CLIP2: variants seen among roughly 807,000 people sequenced by gnomAD.
The protein encoded by CLIP2 is CAP-Gly domain containing linker protein 2.
In CLIP2, 41 loss-of-function variants were observed where a neutral mutation model predicts 111.7. The observed-to-expected ratio is 0.37, with a 90% CI of 0.29 to 0.48. The LOEUF is 0.48. Among genes scored for constraint, CLIP2 ranks in the 20% least tolerant of loss-of-function variants. The pLI is 0.99. For missense variants in CLIP2, 1,160 were observed against 1,422.1 expected, an observed-to-expected ratio of 0.82 and a Z score of 2.96; for synonymous variants, 660 against 644.2, an observed-to-expected ratio of 1.02 and a Z score of -0.37.
intron 10 of CLIP2, among the ~76,000 whole-genome samples, chr7:74,378,993 CT>C (rs1272521419): frequency 6.6e-6 from 1 of 152,152 alleles, no homozygotes; most frequent in African/African-American, 2.4e-5. Flanking sequence ...GCCTGATTAG[CT>C]GTTCAGGGCA....
Position 74,404,357 on chromosome 7 carries a change from GCAGT to G in CLIP2, c.*511_*514del. The G allele has an allele frequency of 6.2e-6, 1 of 160,776 alleles. No individual in the cohort carries two copies. Among genetic ancestry groups the G allele is most frequent in the Non-Finnish European group, 1.4e-5 (1 of 72,840 alleles). The allele number at this position is 160,776 out of a possible 1,614,324, so 10.0% of individuals were successfully genotyped here. A position where few individuals can be genotyped will look rare whatever the true frequency, so the allele number is the denominator to read the frequency against. On this transcript the variant is annotated 3_prime_UTR_variant, in exon 17 of 17. Coordinates refer to ENST00000223398, the MANE Select transcript of CLIP2 (RefSeq NM_003388.5). ...TTTCCGAAGCCACTTCCAGGCCAAG[GCAGT>G]CGCCAGGGCTTCTTGTCCCCACCTT... is the stretch of plus-strand genomic sequence containing the variant.
chr7:74,400,596 G>A (rs782510917), intron 15 of CLIP2, 41 bp downstream of exon 15: 7 of 1,490,022 alleles, frequency 4.7e-6, no homozygotes, highest in Admixed American at 2.4e-5. Flanking sequence ...GGCAAGCCAC[G>A]GGGCAGTGTC....
intron 1 of CLIP2, among the ~76,000 whole-genome samples, chr7:74,295,869 G>A (rs1554726016): frequency 4.0e-5 from 6 of 150,058 alleles, no homozygotes; most frequent in Non-Finnish European, 7.4e-5. Flanking sequence ...GCTGGGTGTG[G>A]TCCCAGCTAC....
At chr7:74,378,198 G>A (rs916418256) in intron 10 of CLIP2, among the ~76,000 whole-genome samples, 1 of 151,962 alleles carries the variant, frequency 6.6e-6, no homozygotes, top group Non-Finnish European at 1.5e-5. Context: ...CATGATCATG[G>A]CTCACTACAG....
intron 3 of CLIP2, among the ~76,000 whole-genome samples, chr7:74,346,590 G>A (rs1789801831): frequency 6.6e-6 from 1 of 151,998 alleles, no homozygotes; most frequent in Non-Finnish European, 1.5e-5. Flanking sequence ...GGGTGTGGTG[G>A]CGCACGCCTG....
chr7:74,345,868 GAGAA>G (rs1316104866), intron 3 of CLIP2, among the ~76,000 whole-genome samples: 3 of 152,030 alleles, frequency 2.0e-5, no homozygotes, highest in Non-Finnish European at 4.4e-5. Flanking sequence ...GAGAGAGAGA[GAGAA>G]AGAGGAAGAA....
At chr7:74,357,935 T>A (rs1383568351) in intron 6 of CLIP2, among the ~76,000 whole-genome samples, 1 of 151,330 alleles carries the variant, frequency 6.6e-6, no homozygotes, top group African/African-American at 2.4e-5. Flanking sequence ...TTTTGTACTT[T>A]TAGTAGAGAC....
At chr7:74,377,930 A>C (rs1234295043) in intron 10 of CLIP2, among the ~76,000 whole-genome samples, 1 of 151,486 alleles carries the variant, frequency 6.6e-6, no homozygotes, top group African/African-American at 2.4e-5. Context: ...GGTTCAAGCA[A>C]TTCTCCTGTA....
intron 1 of CLIP2, among the ~76,000 whole-genome samples, chr7:74,307,547 A>G (rs1405769652): frequency 1.3e-5 from 2 of 152,014 alleles, no homozygotes; most frequent in Admixed American, 6.6e-5. Context: ...CTGGAGTGCA[A>G]TGGCACCATC....
intron 11 of CLIP2, among the ~76,000 whole-genome samples, chr7:74,384,537 C>G (rs1791032135): frequency 6.7e-6 from 1 of 150,188 alleles, no homozygotes; most frequent in African/African-American, 2.5e-5. Flanking sequence ...CCTCCGCCTC[C>G]CAGGTTCAAG....
At chr7:74,299,337 A>C (rs1788258482) in intron 1 of CLIP2, among the ~76,000 whole-genome samples, 1 of 33,186 alleles carries the variant, frequency 3.0e-5, no homozygotes, top group African/African-American at 4.8e-5. Context: ...ATAAATAAAT[A>C]AATAAATAAA....
intron 13 of CLIP2, among the ~76,000 whole-genome samples, chr7:74,393,901 A>C (rs13230107): frequency 0.5 from 75,855 of 151,818 alleles, 18,989 homozygotes; most frequent in Middle Eastern, 0.57. Context: ...ACCAGCCAGG[A>C]CCCTGGCCAG....
chr7:74,304,424 G>C (rs1461373105), intron 1 of CLIP2, among the ~76,000 whole-genome samples: 1 of 151,982 alleles, frequency 6.6e-6, no homozygotes, highest in African/African-American at 2.4e-5. Flanking sequence ...TACTCGGGAG[G>C]CTGAGGCCGG....
chr7:74,312,963 C>G (rs1788680751), intron 1 of CLIP2, among the ~76,000 whole-genome samples: 1 of 151,832 alleles, frequency 6.6e-6, no homozygotes, highest in Admixed American at 6.6e-5. Context: ...GGGTTGGCAT[C>G]TGTATTCATC....
At chr7:74,321,609 C>T (rs2116512108) in intron 2 of CLIP2, among the ~76,000 whole-genome samples, 1 of 152,048 alleles carries the variant, frequency 6.6e-6, no homozygotes, top group African/African-American at 2.4e-5. Context: ...GCTGGGATTA[C>T]AGGCGCCCGC....
intron 7 of CLIP2, among the ~76,000 whole-genome samples, chr7:74,362,608 T>G (rs1377946281): frequency 6.8e-6 from 1 of 147,118 alleles, no homozygotes; most frequent in Non-Finnish European, 1.5e-5. Flanking sequence ...TGATCTCGGC[T>G]CACTGCAACC....
intron 1 of CLIP2, among the ~76,000 whole-genome samples, chr7:74,305,636 G>A (rs1788457650): frequency 6.6e-6 from 1 of 152,208 alleles, no homozygotes; most frequent in South Asian, 2.1e-4. Flanking sequence ...TGGGATTACA[G>A]GCATGCGCCA....
intron 10 of CLIP2, among the ~76,000 whole-genome samples, chr7:74,377,677 G>T (rs534444127): frequency 4.9e-4 from 75 of 152,308 alleles, no homozygotes; most frequent in African/African-American, 1.8e-3. Context: ...GCCTCTCAGT[G>T]GCAGAGATGT....
intron 1 of CLIP2, among the ~76,000 whole-genome samples, chr7:74,299,711 T>C (rs1213431517): frequency 1.3e-5 from 2 of 151,988 alleles, no homozygotes; most frequent in Non-Finnish European, 2.9e-5. Flanking sequence ...CTTCTTTTTT[T>C]TTTTGAGACG....
Sources: allele counts gnomAD v4.1 joint callset (sites outside exome capture counted in the v4.1 genomes callset), GRCh38; gene constraint gnomAD v4.1.1; transcripts MANE v1.5; gene names NCBI Gene and HGNC (gene_info 2026-07-23, HGNC 2026-07-21).